Variants in KDM4C observed in about 807,000 individuals in gnomAD.
The protein encoded by KDM4C is lysine-specific demethylase 4C.
In KDM4C, 81 loss-of-function variants were observed where a neutral mutation model predicts 129.3. The observed-to-expected ratio is 0.63, with a 90% CI of 0.52 to 0.75. The LOEUF (loss-of-function observed/expected upper bound fraction) is 0.75, where lower values mean the gene tolerates loss of function less well. Among genes scored for constraint, KDM4C ranks in the 30% least tolerant of loss-of-function variants. The pLI is 0.00. For synonymous variants in KDM4C, 573 were observed against 456.1 expected, an observed-to-expected ratio of 1.26 and a Z score of -3.26; for missense variants, 1,457 against 1,304.0, an observed-to-expected ratio of 1.12 and a Z score of -1.81.
chr9:7,025,720 T>A lies in KDM4C; in HGVS notation c.2259+9791T>A, dbSNP rs1392916214. 1.3e-5 allele frequency among the ~76,000 whole-genome samples: 2 copies of A among 152,370 alleles called. 1 individual carries two copies. The highest frequency in any genetic ancestry group is 4.1e-4 in the South Asian group (2 of 4,832). ...TTTATATCTCATTATAATTTCTATG[T>A]CTTGAAAAGTTGTCATTATTAGTTT... On this transcript the variant is annotated intron_variant, in intron 15 of 21. Coordinates refer to ENST00000381309, the MANE Select transcript of KDM4C (RefSeq NM_015061.6).
chr9:7,084,342 G>A (rs1044158367), intron 17 of KDM4C, among the ~76,000 whole-genome samples: 11 of 152,206 alleles, frequency 7.2e-5, no homozygotes, highest in Admixed American at 4.6e-4. Context: ...CCACAACCAA[G>A]ATTCAACATG....
At chr9:6,866,639 A>C (rs936888449) in intron 5 of KDM4C, among the ~76,000 whole-genome samples, 1 of 152,018 alleles carries the variant, frequency 6.6e-6, no homozygotes, top group African/African-American at 2.4e-5. Context: ...TGAAGAAGGG[A>C]CAGTGTCCTC....
chr9:6,927,458 T>C (rs1489093895), intron 8 of KDM4C, among the ~76,000 whole-genome samples: 1 of 152,168 alleles, frequency 6.6e-6, no homozygotes, highest in Non-Finnish European at 1.5e-5. Flanking sequence ...TTCCATATAG[T>C]AACTGTAGCT....
intron 18 of KDM4C, among the ~76,000 whole-genome samples, chr9:7,109,288 G>A (rs978665874): frequency 1.3e-5 from 2 of 152,168 alleles, no homozygotes; most frequent in Non-Finnish European, 2.9e-5. Flanking sequence ...TTATAAACAT[G>A]AAGATGCCCT....
chr9:6,745,709 G>C (rs1817851665), intron 1 of KDM4C, among the ~76,000 whole-genome samples: 1 of 152,088 alleles, frequency 6.6e-6, no homozygotes, highest in Non-Finnish European at 1.5e-5. Context: ...CGTGATCTTG[G>C]CTCACTGCAA....
intron 17 of KDM4C, among the ~76,000 whole-genome samples, chr9:7,087,854 TGAG>T (rs1835319299): frequency 6.6e-6 from 1 of 152,258 alleles, no homozygotes; most frequent in Non-Finnish European, 1.5e-5. Context: ...AAACTTATGA[TGAG>T]AAATTTTGTG....
intron 8 of KDM4C, among the ~76,000 whole-genome samples, chr9:6,912,190 C>T (rs1473116270): frequency 1.3e-5 from 2 of 152,196 alleles, no homozygotes; most frequent in African/African-American, 4.8e-5. Context: ...GCCCCTTCCT[C>T]CTTTCCTGCC....
In KDM4C at chr9:6,759,434, G is replaced by A. The variant is rs972762841; in HGVS notation, c.-18+1231G>A. Among the ~76,000 whole-genome samples the A allele has an allele frequency of 5.3e-5, 8 of 152,162 alleles. No homozygotes were observed. In the East Asian group the frequency reaches 1.3e-3, roughly 26 times the overall value. ...CAGTCGGCTCTGCTTTGCGATTATC[G>A]CTTGCTTTCTTACCTTGCTGGCCTC... On this transcript the variant is annotated intron_variant, in intron 1 of 21. Transcript: ENST00000381309.
At chr9:6,910,015 T>C (rs1167321695) in intron 8 of KDM4C, among the ~76,000 whole-genome samples, 1 of 152,210 alleles carries the variant, frequency 6.6e-6, no homozygotes, top group Non-Finnish European at 1.5e-5. Context: ...TCCCTGGATG[T>C]CACTTAATAG....
chr9:7,133,192 G>C (rs1840828617), intron 19 of KDM4C, among the ~76,000 whole-genome samples: 1 of 152,104 alleles, frequency 6.6e-6, no homozygotes, highest in Admixed American at 6.5e-5. Context: ...CAATTTTTTA[G>C]AATATTAACT....
chr9:6,860,344 T>G (rs1467186450), intron 5 of KDM4C, among the ~76,000 whole-genome samples: 1 of 152,190 alleles, frequency 6.6e-6, no homozygotes, highest in Non-Finnish European at 1.5e-5. Flanking sequence ...GAGTTATGTC[T>G]TGACGGAGGG....
At chr9:7,071,539 T>G (rs1833194703) in intron 17 of KDM4C, among the ~76,000 whole-genome samples, 1 of 152,180 alleles carries the variant, frequency 6.6e-6, no homozygotes. Flanking sequence ...AGTTTGTTAT[T>G]TAAGTGATGT....
upstream of KDM4C, among the ~76,000 whole-genome samples, chr9:6,757,111 A>C (rs914519410): frequency 2.6e-5 from 4 of 152,154 alleles, no homozygotes; most frequent in African/African-American, 9.7e-5. Flanking sequence ...ACAGGGGCTT[A>C]AGGTCTGGTT....
At chr9:6,946,038 T>G (rs943013630) in intron 8 of KDM4C, among the ~76,000 whole-genome samples, 4 of 152,162 alleles carry the variant, frequency 2.6e-5, no homozygotes, top group African/African-American at 9.6e-5. Flanking sequence ...TTCCTTGGTA[T>G]GAAAAATTGA....
intron 1 of KDM4C, among the ~76,000 whole-genome samples, chr9:6,785,881 G>C (rs1588250587): frequency 6.6e-6 from 1 of 152,230 alleles, no homozygotes; most frequent in Non-Finnish European, 1.5e-5. Context: ...CACCCAGTGT[G>C]CTGAGTGTTG....
At chr9:7,057,890 T>A (rs977234571) in intron 17 of KDM4C, among the ~76,000 whole-genome samples, 5 of 152,240 alleles carry the variant, frequency 3.3e-5, no homozygotes, top group African/African-American at 1.2e-4. Context: ...ATACAGCTCT[T>A]GCTTCATTTT....
intron 15 of KDM4C, among the ~76,000 whole-genome samples, chr9:7,031,047 T>C (rs1448702545): frequency 2.6e-5 from 4 of 152,150 alleles, no homozygotes; most frequent in Non-Finnish European, 5.9e-5. Context: ...TTTCCCAAAA[T>C]GGTTTTAAGA....
At chr9:6,872,986 G>C (rs375734080) in intron 5 of KDM4C, among the ~76,000 whole-genome samples, 1 of 152,042 alleles carries the variant, frequency 6.6e-6, no homozygotes, top group Non-Finnish European at 1.5e-5. Flanking sequence ...GAGTGCAATG[G>C]TGCAATCTCG....
intron 1 of KDM4C, among the ~76,000 whole-genome samples, chr9:6,782,571 A>T (rs538197890): frequency 6.6e-6 from 1 of 150,632 alleles, no homozygotes; most frequent in Non-Finnish European, 1.5e-5. Flanking sequence ...CACGTGACAC[A>T]TATGTCTATA....
Sources: gnomAD v4.1 joint callset for allele counts (sites outside exome capture counted in the v4.1 genomes callset) on GRCh38, gnomAD v4.1.1 for gene constraint, MANE v1.5 for transcripts, NCBI Gene and HGNC (gene_info 2026-07-23, HGNC 2026-07-21) for gene names.